The following KIF16B variants were observed in gnomAD, a reference collection of about 807,000 sequenced individuals.
KIF16B encodes kinesin family member 16B.
KIF16B carries 98 observed loss-of-function variants against 156.3 expected under a neutral mutation model. The ratio of observed to expected loss-of-function variants is 0.63; its 90% CI spans 0.53 to 0.74. The LOEUF is 0.74. KIF16B is among the 30% of genes least tolerant of loss of function. The pLI, the probability that KIF16B is intolerant of heterozygous loss-of-function variation, is 0.00. For synonymous variants in KIF16B, 564 were observed against 583.7 expected (o/e 0.97, Z 0.49); for missense variants, 1,421 against 1,606.5 (o/e 0.88, Z 1.97).
rs530031969 is a variant in KIF16B at position 16,504,333 on chromosome 20, C to T, written c.1176+39G>A. 2.4e-5 allele frequency: 38 copies of T among 1,600,394 alleles called. No individual in the cohort carries two copies. The Admixed American group carries it at 2.5e-4, about 11-fold the overall frequency. On this transcript the variant is annotated intron_variant, in intron 10 of 25. Transcript: ENST00000354981. ...TAAGATCTAGAAATAGATGCCATTACTCAAAGAAAATTATCCATAAATCTC... is the reference window on the plus strand; with the variant it reads ...TAAGATCTAGAAATAGATGCCATTATTCAAAGAAAATTATCCATAAATCTC...
chr20:16,499,116 G>A (rs142447334), intron 10 of KIF16B, among the ~76,000 whole-genome samples: 10 of 152,132 alleles, frequency 6.6e-5, no homozygotes, highest in African/African-American at 2.2e-4. Flanking sequence ...CCATTCATAC[G>A]TGAGGGGTCG....
intron 22 of KIF16B, 78 bp downstream of exon 22, chr20:16,370,508 T>A: frequency 8.4e-7 from 1 of 1,195,782 alleles, no homozygotes; most frequent in Non-Finnish European, 1.2e-6. Flanking sequence ...ATTATGCAAC[T>A]AGACATTAAG....
Position 16,512,733 on chromosome 20 carries a change from A to C in KIF16B, c.446+93T>G, listed in dbSNP as rs1568625107. On this transcript the variant is annotated intron_variant, in intron 5 of 25. Coordinates refer to ENST00000354981, the MANE Select transcript of KIF16B (RefSeq NM_024704.5). ...GGGAAGACTTTTTCTTTAGGAATCT[A>C]AAGACCTTATCCATTTCCAGCACCT... The C allele has an allele frequency of 1.0e-5, 8 of 779,656 alleles. No individual in the cohort carries two copies. In the South Asian group the frequency reaches 1.3e-4, roughly 13 times the overall value. 48.3% of individuals were successfully genotyped at this position (779,656 alleles called of 1,614,324 possible). A position where few individuals can be genotyped will look rare whatever the true frequency, so the allele number is the denominator to read the frequency against.
At chr20:16,488,225 C>T (rs2068181782) in intron 12 of KIF16B, among the ~76,000 whole-genome samples, 1 of 152,226 alleles carries the variant, frequency 6.6e-6, no homozygotes, top group African/African-American at 2.4e-5. Flanking sequence ...ACCCTCAGGG[C>T]TGCGAGGACC....
chr20:16,328,809 ATG>A (rs1233788345), intron 24 of KIF16B, among the ~76,000 whole-genome samples: 1 of 152,050 alleles, frequency 6.6e-6, no homozygotes, highest in Non-Finnish European at 1.5e-5. Context: ...GTGTTCTCAC[ATG>A]GCAGGAGGTG....
chr20:16,280,841 C>CGTGTGT (rs1555833614), intron 25 of KIF16B, among the ~76,000 whole-genome samples: 6 of 74,434 alleles, frequency 8.1e-5, no homozygotes, highest in African/African-American at 1.5e-4. Flanking sequence ...TGCGCGCGCA[C>CGTGTGT]GTGTGTGTGT....
chr20:16,379,516 T>C lies in KIF16B; in HGVS notation c.2486A>G (p.Lys829Arg). Reference protein sequence around the residue: ...EKAQLRFFEFKRRQLVKLVNL... With the variant: ...EKAQLRFFEFRRRQLVKLVNL... ...CACTAGCTTGACAAGCTGCCTTCTC[T>C]TGAATTCGAAGAAACGCAGTTGAGC... Residue 829 changes from lysine (K) to arginine (R), a missense_variant, in exon 19 of 26, where the codon AAG becomes AGG. Lys to Arg is a conservative substitution (Grantham distance 26). Transcript: ENST00000354981. 6.2e-7 allele frequency: 1 copy of C among 1,614,184 alleles called. No individual in the cohort carries two copies. The highest frequency in any genetic ancestry group is 8.5e-7 in the Non-Finnish European group (1 of 1,180,032).
rs72488686 is a variant in KIF16B at position 16,395,194 on chromosome 20, G to A, written c.1784+9619C>T. ...GGAGATGAGGAAGGGGAGAGGAGGG[G>A]AGAGGAGGGAAGAGGAGGGGAGGGG... On this transcript the variant is annotated intron_variant, in intron 17 of 25. Coordinates refer to ENST00000354981, the MANE Select transcript of KIF16B (RefSeq NM_024704.5). Among the ~76,000 whole-genome samples the A allele has an allele frequency of 3.6e-3, 229 of 63,240 alleles. 2 individuals are homozygous for A. Among genetic ancestry groups the A allele is most frequent in the East Asian group, 0.019 (15 of 790 alleles). The allele number at this position is 63,240 out of a possible 152,430, so 41.5% of individuals were successfully genotyped here. A position where few individuals can be genotyped will look rare whatever the true frequency, so the allele number is the denominator to read the frequency against.
At chr20:16,455,987 C>T (rs1278004862) in intron 12 of KIF16B, among the ~76,000 whole-genome samples, 1 of 152,180 alleles carries the variant, frequency 6.6e-6, no homozygotes, top group Non-Finnish European at 1.5e-5. Context: ...TCCTTGACAA[C>T]ACCTGAGATT....
chr20:16,541,946 G>A (rs1360950760), intron 1 of KIF16B, among the ~76,000 whole-genome samples: 3 of 152,176 alleles, frequency 2.0e-5, no homozygotes, highest in Non-Finnish European at 4.4e-5. Flanking sequence ...CTGAAGGCTG[G>A]GCCAACCATG....
At chr20:16,521,336 G>A (rs1568637273) in intron 3 of KIF16B, among the ~76,000 whole-genome samples, 1 of 151,822 alleles carries the variant, frequency 6.6e-6, no homozygotes, top group Admixed American at 6.6e-5. Flanking sequence ...TGACCTGATC[G>A]AGCTGAAAGA....
chr20:16,554,710 G>C (rs1206044130), intron 1 of KIF16B, among the ~76,000 whole-genome samples: 1 of 152,206 alleles, frequency 6.6e-6, no homozygotes. Flanking sequence ...CCTCTAGGGA[G>C]CCCAGGCCTA....
At chr20:16,421,261 A>G (rs1568962469) in intron 15 of KIF16B, among the ~76,000 whole-genome samples, 1 of 152,148 alleles carries the variant, frequency 6.6e-6, no homozygotes, top group Non-Finnish European at 1.5e-5. Context: ...AAATGCTACT[A>G]TATTTAATGC....
intron 1 of KIF16B, among the ~76,000 whole-genome samples, chr20:16,529,867 C>A (rs1166588091): frequency 6.6e-6 from 1 of 152,178 alleles, no homozygotes; most frequent in Non-Finnish European, 1.5e-5. Flanking sequence ...AGGAGAATCA[C>A]TTGAATCCAA....
intron 12 of KIF16B, among the ~76,000 whole-genome samples, chr20:16,453,038 A>G (rs1005736038): frequency 5.9e-5 from 9 of 152,050 alleles, no homozygotes; most frequent in African/African-American, 2.2e-4. Context: ...GATTAACTCT[A>G]AATAGACCAA....
intron 12 of KIF16B, among the ~76,000 whole-genome samples, chr20:16,478,802 G>A (rs955207576): frequency 2.0e-5 from 3 of 152,138 alleles, no homozygotes; most frequent in Non-Finnish European, 2.9e-5. Flanking sequence ...ATTTATAAAT[G>A]AAGCATTATC....
At chr20:16,364,468 A>ACTC (rs2123225448) in intron 22 of KIF16B, among the ~76,000 whole-genome samples, 1 of 152,340 alleles carries the variant, frequency 6.6e-6, no homozygotes, top group South Asian at 2.1e-4. Flanking sequence ...TAGCAGGCTG[A>ACTC]ATACTCAGAC....
intron 1 of KIF16B, among the ~76,000 whole-genome samples, chr20:16,532,336 T>C (rs1179870806): frequency 1.3e-5 from 2 of 152,020 alleles, no homozygotes. Flanking sequence ...TAAATATCAG[T>C]TGTGAACAAA....
chr20:16,376,462 T>C (rs2123375118), intron 19 of KIF16B, among the ~76,000 whole-genome samples: 1 of 152,344 alleles, frequency 6.6e-6, no homozygotes, highest in South Asian at 2.1e-4. Context: ...AGGGGCCAAG[T>C]CAGGCTGCAC....
Sources: allele counts gnomAD v4.1 joint callset (sites outside exome capture counted in the v4.1 genomes callset), GRCh38; gene constraint gnomAD v4.1.1; transcripts MANE v1.5; gene names NCBI Gene and HGNC (gene_info 2026-07-23, HGNC 2026-07-21).